Variants in SORCS1 observed in about 807,000 individuals in gnomAD.
The protein encoded by SORCS1 is VPS10 domain-containing receptor SorCS1.
In SORCS1, 60 loss-of-function variants were observed where a neutral mutation model predicts 146.1. The ratio of observed to expected loss-of-function variants is 0.41; its 90% CI spans 0.33 to 0.51. SORCS1 has a LOEUF of 0.51. Ranked by LOEUF, SORCS1 falls within the 20% of genes least tolerant of loss-of-function variation. The pLI is 0.21. For missense variants in SORCS1, 1,352 were observed against 1,487.6 expected (o/e 0.91, Z 1.50); for synonymous variants, 637 against 584.0 (o/e 1.09, Z -1.31).
chr10:107,153,804 A>C (rs983385380), intron 1 of SORCS1, among the ~76,000 whole-genome samples: 1 of 152,138 alleles, frequency 6.6e-6, no homozygotes, highest in African/African-American at 2.4e-5. Context: ...TAACTCAAGC[A>C]ATACACATTT....
chr10:107,122,281 C>G (rs1315324903), intron 1 of SORCS1, among the ~76,000 whole-genome samples: 1 of 152,198 alleles, frequency 6.6e-6, no homozygotes, highest in Non-Finnish European at 1.5e-5. Context: ...CTATTTCTTC[C>G]ATGTACTTTT....
At chr10:106,695,892 C>T (rs1853663158) in intron 9 of SORCS1, among the ~76,000 whole-genome samples, 1 of 152,002 alleles carries the variant, frequency 6.6e-6, no homozygotes, top group Non-Finnish European at 1.5e-5. Flanking sequence ...CTCTCTCATT[C>T]CACACACACA....
chr10:106,915,213 C>T (rs1001649627), intron 2 of SORCS1, among the ~76,000 whole-genome samples: 3 of 152,116 alleles, frequency 2.0e-5, no homozygotes, highest in African/African-American at 7.2e-5. Context: ...CAGTGAATGG[C>T]ACCACTATCT....
At chr10:107,057,871 C>G (rs1321518278) in intron 1 of SORCS1, among the ~76,000 whole-genome samples, 1 of 152,080 alleles carries the variant, frequency 6.6e-6, no homozygotes, top group Non-Finnish European at 1.5e-5. Flanking sequence ...GCAGTGGCTA[C>G]TCACAGGCAT....
chr10:106,926,883 AG>A (rs1953068194), intron 2 of SORCS1, among the ~76,000 whole-genome samples: 3 of 121,180 alleles, frequency 2.5e-5, no homozygotes, highest in African/African-American at 1.1e-4. Flanking sequence ...AGAGAGAGAG[AG>A]AGAGAGAGAG....
chr10:106,669,167 G>A (rs960106232), intron 16 of SORCS1, among the ~76,000 whole-genome samples: 3 of 152,014 alleles, frequency 2.0e-5, no homozygotes, highest in Non-Finnish European at 4.4e-5. Context: ...CGAGAGACAC[G>A]GGAGAGGAGA....
At chr10:106,716,542 G>T (rs1855385849) in intron 6 of SORCS1, among the ~76,000 whole-genome samples, 1 of 152,186 alleles carries the variant, frequency 6.6e-6, no homozygotes, top group Non-Finnish European at 1.5e-5. Flanking sequence ...TGGCAAGTCT[G>T]TGTCTTGAGG....
At chr10:107,105,408 TAAGGTG>T (rs1965237794) in intron 1 of SORCS1, among the ~76,000 whole-genome samples, 1 of 152,122 alleles carries the variant, frequency 6.6e-6, no homozygotes, top group African/African-American at 2.4e-5. Context: ...CACACGATCA[TAAGGTG>T]AAGTCCCACA....
chr10:106,935,351 C>A (rs924579461), intron 2 of SORCS1, among the ~76,000 whole-genome samples: 1 of 152,086 alleles, frequency 6.6e-6, no homozygotes, highest in Admixed American at 6.5e-5. Flanking sequence ...GATATGGAAA[C>A]TTGGTGGAGA....
intron 5 of SORCS1, among the ~76,000 whole-genome samples, chr10:106,739,842 C>T (rs1857237265): frequency 6.6e-6 from 1 of 151,070 alleles, no homozygotes. Flanking sequence ...GTCCCAGCTA[C>T]TTGGGAGGCT....
chr10:106,952,191 C>T (rs1564846316), intron 2 of SORCS1, among the ~76,000 whole-genome samples: 2 of 152,290 alleles, frequency 1.3e-5, no homozygotes, highest in East Asian at 3.9e-4. Context: ...ATCTCCTCAG[C>T]TCTAGCACCC....
At chr10:106,614,157 T>A (rs1185159837) in intron 21 of SORCS1, among the ~76,000 whole-genome samples, 2 of 152,228 alleles carry the variant, frequency 1.3e-5, no homozygotes, top group African/African-American at 4.8e-5. Flanking sequence ...TCAGTTACTA[T>A]CTATGAGTCA....
At chr10:107,052,005 A>C (rs1960171609) in intron 1 of SORCS1, among the ~76,000 whole-genome samples, 1 of 152,124 alleles carries the variant, frequency 6.6e-6, no homozygotes, top group Non-Finnish European at 1.5e-5. Flanking sequence ...AGTCACCCTA[A>C]ATGGACTTTT....
At chr10:106,778,951 T>A (rs1860676005) in intron 3 of SORCS1, among the ~76,000 whole-genome samples, 1 of 152,198 alleles carries the variant, frequency 6.6e-6, no homozygotes, top group African/African-American at 2.4e-5. Context: ...TTTTTATCAA[T>A]CACTTTAAAG....
chr10:106,856,029 T>A (rs1164646590), intron 2 of SORCS1, among the ~76,000 whole-genome samples: 1 of 46,930 alleles, frequency 2.1e-5, no homozygotes, highest in East Asian at 7.8e-4. Context: ...AGACACAACA[T>A]TTTTTTTTTT....
At chr10:106,816,910 G>T (rs757915935) in intron 3 of SORCS1, among the ~76,000 whole-genome samples, 5 of 152,150 alleles carry the variant, frequency 3.3e-5, no homozygotes, top group Non-Finnish European at 5.9e-5. Context: ...TGGAACAATG[G>T]GCATCTATGG....
Position 106,718,100 on chromosome 10 carries a change from C to G in SORCS1, c.1025-8759G>C, listed in dbSNP as rs1281452467. ...CCTAGAAGGCTGCCTGGAATGATGA[C>G]AAGGATAACTCATTATTCCAGAAAG... On this transcript the variant is annotated intron_variant, in intron 6 of 25. Transcript: ENST00000263054. Among the ~76,000 whole-genome samples the G allele has an allele frequency of 2.0e-5, 3 of 152,152 alleles. No individual in the cohort carries two copies. The East Asian group carries it at 5.8e-4, about 29-fold the overall frequency.
chr10:106,655,713 T>C (rs1399396525), intron 17 of SORCS1, among the ~76,000 whole-genome samples: 1 of 152,174 alleles, frequency 6.6e-6, no homozygotes, highest in Non-Finnish European at 1.5e-5. Context: ...TTATTTCCTG[T>C]ATGAAAATGG....
In SORCS1 at chr10:106,916,144, C is replaced by G. The variant is rs142669285; in HGVS notation, c.626+40369G>C. The stretch of plus-strand genomic sequence containing the variant: ...TCATAAAGATAAAGATCTGCACATC[C>G]CAGTACTTAACTCTGTGAATACATT... On this transcript the variant is annotated intron_variant, in intron 2 of 25. Coordinates refer to ENST00000263054, the MANE Select transcript of SORCS1 (RefSeq NM_052918.5). Among the ~76,000 whole-genome samples, 1,069 of 152,288 alleles carry G rather than the reference C, an allele frequency of 7.0e-3. 4 individuals are homozygous for G. The highest frequency in any genetic ancestry group is 9.8e-3 in the Non-Finnish European group (666 of 68,032).
Sources: gnomAD v4.1 joint callset for allele counts (sites outside exome capture counted in the v4.1 genomes callset) on GRCh38, gnomAD v4.1.1 for gene constraint, MANE v1.5 for transcripts, NCBI Gene and HGNC (gene_info 2026-07-23, HGNC 2026-07-21) for gene names.